MGMT: variants seen among roughly 807,000 people sequenced by gnomAD.
MGMT encodes methylated-DNA--protein-cysteine methyltransferase.
Under a neutral mutation model 15.9 loss-of-function variants are expected in MGMT, and 14 were observed. That is an observed-to-expected ratio of 0.88 (90% CI 0.58 to 1.37). The LOEUF (loss-of-function observed/expected upper bound fraction) is 1.37. MGMT is among the 40% of genes most tolerant of loss of function. MGMT has a pLI of 0.00. For missense variants in MGMT, 282 were observed against 268.1 expected (o/e 1.05, Z -0.36); for synonymous variants, 130 against 118.2 (o/e 1.10, Z -0.65).
intron 2 of MGMT, among the ~76,000 whole-genome samples, chr10:129,683,104 C>T (rs1847870674): frequency 1.3e-5 from 2 of 152,242 alleles, no homozygotes; most frequent in African/African-American, 2.4e-5. Flanking sequence ...CAGCCTCGGC[C>T]TCCCTAAGTG....
At position 129,748,730 on chromosome 10, in the gene MGMT, C is replaced by T. The variant is rs1164577581; in HGVS notation, c.275-10472C>T. ...TTATCTGTGTCTATATTAAGCTAAA[C>T]ATTAGTTCCTATTGATATCTGCAAC... On this transcript the variant is annotated intron_variant, in intron 3 of 4. Transcript: ENST00000651593. Among the ~76,000 whole-genome samples, 5 of 152,222 alleles carry T rather than the reference C, an allele frequency of 3.3e-5. No individual in the cohort carries two copies. In the East Asian group the frequency reaches 9.7e-4, roughly 29 times the overall value.
chr10:129,477,349 T>C (rs1458117477), intron 1 of MGMT, among the ~76,000 whole-genome samples: 1 of 152,086 alleles, frequency 6.6e-6, no homozygotes, highest in Non-Finnish European at 1.5e-5. Flanking sequence ...CAAGGCCTGG[T>C]GTGTGGTTTC....
intron 4 of MGMT, among the ~76,000 whole-genome samples, chr10:129,764,322 T>C (rs1848908693): frequency 6.6e-6 from 1 of 152,178 alleles, no homozygotes; most frequent in Non-Finnish European, 1.5e-5. Flanking sequence ...TAAGCACCTT[T>C]TCCAAGGGGG....
At chr10:129,732,042 T>G (rs11016898) in intron 3 of MGMT, among the ~76,000 whole-genome samples, 81,678 of 151,900 alleles carry the variant, frequency 0.54, 22,360 homozygotes, top group Middle Eastern at 0.71. Flanking sequence ...GGGGTCTCAG[T>G]GACCCCTGAT....
rs1391611860 is a variant in MGMT, at chr10:129,767,537, C to G, written c.*540C>G. The G allele has an allele frequency of 1.3e-5, 2 of 152,494 alleles. No individual in the cohort carries two copies. Among genetic ancestry groups the G allele is most frequent in the African/African-American group, 4.8e-5 (2 of 41,478 alleles). 9.4% of individuals were successfully genotyped at this position (152,494 alleles called of 1,614,324 possible). On this transcript the variant is annotated 3_prime_UTR_variant, in exon 5 of 5. Coordinates refer to ENST00000651593, the MANE Select transcript of MGMT (RefSeq NM_002412.5). ...TTACAGAGGTTTTCTAGCTTTGTTT[C>G]CTACCTGCCAAAAAGGCTAATGCAA...
At chr10:129,593,105 G>T (rs1589883969) in intron 2 of MGMT, among the ~76,000 whole-genome samples, 1 of 152,172 alleles carries the variant, frequency 6.6e-6, no homozygotes, top group Non-Finnish European at 1.5e-5. Flanking sequence ...TGAGGGAGAA[G>T]CCCCAAGCCG....
chr10:129,472,823 G>A (rs991064560), intron 1 of MGMT, among the ~76,000 whole-genome samples: 5 of 152,190 alleles, frequency 3.3e-5, no homozygotes, highest in East Asian at 3.8e-4. Flanking sequence ...CCTCTGGTGC[G>A]TCTGAGGTCA....
chr10:129,701,821 A>AC (rs1210028130), intron 2 of MGMT: 1 of 151,260 alleles, frequency 6.6e-6, no homozygotes, highest in Non-Finnish European at 1.5e-5. Context: ...TTCTCTCATC[A>AC]CCCCCAGCTC....
chr10:129,562,444 G>A (rs1293465164), intron 2 of MGMT, among the ~76,000 whole-genome samples: 1 of 152,212 alleles, frequency 6.6e-6, no homozygotes, highest in Non-Finnish European at 1.5e-5. Flanking sequence ...ATTATCGGAG[G>A]ACAGCTAGCA....
intron 2 of MGMT, among the ~76,000 whole-genome samples, chr10:129,542,578 C>T (rs534979719): frequency 5.9e-5 from 9 of 152,294 alleles, no homozygotes; most frequent in African/African-American, 2.2e-4. Flanking sequence ...GTTCGGCTGT[C>T]TCATTGCTTT....
At chr10:129,696,401 G>A (rs187478853) in intron 2 of MGMT, among the ~76,000 whole-genome samples, 348 of 152,288 alleles carry the variant, frequency 2.3e-3, no homozygotes, top group Non-Finnish European at 4.1e-3. Flanking sequence ...TCCAGGTTCC[G>A]ACTGCAGAGT....
At chr10:129,507,857 T>C (rs983711182) in intron 1 of MGMT, among the ~76,000 whole-genome samples, 1 of 152,362 alleles carries the variant, frequency 6.6e-6, no homozygotes, top group Middle Eastern at 3.4e-3. Context: ...ATGTTTTAGC[T>C]GTTAAACTTC....
rs528937327 is a variant in MGMT at position 129,474,558 on chromosome 10, A to C, written c.-13+7262A>C. Among the ~76,000 whole-genome samples the C allele has an allele frequency of 5.3e-5, 8 of 152,346 alleles. No homozygotes were observed. In the South Asian group the frequency reaches 1.7e-3, roughly 32 times the overall value. ...CAGGCCGCCCTCTGCCCTGCCTGGC[A>C]TCTGGGTTCTGAGGCGGGAGATTTC... On this transcript the variant is annotated intron_variant, in intron 1 of 4. Coordinates refer to ENST00000651593, the MANE Select transcript of MGMT (RefSeq NM_002412.5).
intron 2 of MGMT, among the ~76,000 whole-genome samples, chr10:129,558,237 A>G (rs1432825721): frequency 2.0e-5 from 3 of 152,226 alleles, no homozygotes; most frequent in Admixed American, 6.5e-5. Flanking sequence ...CTTGATTAAT[A>G]GGCTGCTATG....
intron 3 of MGMT, among the ~76,000 whole-genome samples, chr10:129,746,375 A>G (rs1179154310): frequency 6.6e-6 from 1 of 151,218 alleles, no homozygotes; most frequent in Non-Finnish European, 1.5e-5. Context: ...TGAAGGACAT[A>G]TCTAACAACT....
chr10:129,639,974 C>A, intron 2 of MGMT, among the ~76,000 whole-genome samples: 1 of 147,950 alleles, frequency 6.8e-6, no homozygotes, highest in South Asian at 2.1e-4. Context: ...AGAGTGAAGT[C>A]ATATATTAAC....
intron 1 of MGMT, among the ~76,000 whole-genome samples, chr10:129,469,282 A>G (rs1429002739): frequency 6.6e-6 from 1 of 152,194 alleles, no homozygotes; most frequent in Non-Finnish European, 1.5e-5. Context: ...AAATAAAGTT[A>G]CTAAATTGTC....
intron 2 of MGMT, among the ~76,000 whole-genome samples, chr10:129,625,707 G>A (rs752832522): frequency 9.3e-5 from 13 of 140,342 alleles, no homozygotes; most frequent in East Asian, 4.4e-4. Flanking sequence ...ACATGACAGC[G>A]TGTATACGAG....
Position 129,532,817 on chromosome 10 carries a change from G to C in MGMT, c.-12-3424G>C, listed in dbSNP as rs1845947070. ...AGGAGTCAGGGGTCTTATTGATGAGGAAATAGAGGCTTGAGAGAGGAGTGC... is the reference window on the plus strand; with the variant it reads ...AGGAGTCAGGGGTCTTATTGATGAGCAAATAGAGGCTTGAGAGAGGAGTGC... On this transcript the variant is annotated intron_variant, in intron 1 of 4. Coordinates refer to ENST00000651593, the MANE Select transcript of MGMT (RefSeq NM_002412.5). This position sits in a 1 kb window ranked among gnomAD's most constrained non-coding sequence, Gnocchi z 5.3. Among the ~76,000 whole-genome samples, 1 of 152,200 alleles carries C rather than the reference G, an allele frequency of 6.6e-6. No homozygotes were observed. The highest frequency in any genetic ancestry group is 2.1e-4 in the South Asian group (1 of 4,824).
Sources: gnomAD v4.1 joint callset for allele counts (sites outside exome capture counted in the v4.1 genomes callset) on GRCh38, gnomAD v4.1.1 for gene constraint, Gnocchi (gnomAD v3.1) non-coding constraint, MANE v1.5 for transcripts, NCBI Gene and HGNC (gene_info 2026-07-23, HGNC 2026-07-21) for gene names.